TOP1: variants seen among roughly 807,000 people sequenced by gnomAD.
The protein encoded by TOP1 is DNA topoisomerase I.
TOP1 carries 10 observed loss-of-function variants against 111.1 expected under a neutral mutation model. The ratio of observed to expected loss-of-function variants is 0.09; its 90% CI spans 0.06 to 0.15. TOP1 has a LOEUF of 0.15. TOP1 is among the 10% of genes least tolerant of loss of function. The pLI is 1.00. For missense variants in TOP1, 474 were observed against 926.7 expected, an observed-to-expected ratio of 0.51 and a Z score of 6.34; for synonymous variants, 271 against 302.9, an observed-to-expected ratio of 0.89 and a Z score of 1.10.
intron 3 of TOP1, among the ~76,000 whole-genome samples, chr20:41,065,276 T>G (rs2033593264): frequency 6.6e-6 from 1 of 152,236 alleles, no homozygotes; most frequent in African/African-American, 2.4e-5. Flanking sequence ...CTAGTCTATA[T>G]TTATTGAATT....
At position 41,080,913 on chromosome 20, in the gene TOP1, T is replaced by TC. The variant is rs1299014788; in HGVS notation, c.432-246dup. Among the ~76,000 whole-genome samples the TC allele has an allele frequency of 6.6e-6, 1 of 152,116 alleles. No individual in the cohort carries two copies. Among genetic ancestry groups the TC allele is most frequent in the Non-Finnish European group, 1.5e-5 (1 of 68,018 alleles). On this transcript the variant is annotated intron_variant, in intron 6 of 20. Transcript: ENST00000361337. The surrounding 1 kb of genome is among the most constrained non-coding windows in gnomAD (Gnocchi z 5.0). The stretch of plus-strand genomic sequence containing the variant: ...ATAATGATATTTATTTCTGCATATA[T>TC]CCCCCCACCCTATTTTGCTTCCAGG...
chr20:41,108,930 TTTTTTCAAACCAGCCTTAACC>T (rs2034191064), intron 13 of TOP1, among the ~76,000 whole-genome samples: 1 of 152,156 alleles, frequency 6.6e-6, no homozygotes, highest in Non-Finnish European at 1.5e-5. Context: ...AAAATTCAGG[TTTTTTCAAACCAGCCTTAACC>T]TTACAAACAG....
chr20:41,062,257 T>A (rs2145927395), intron 3 of TOP1, among the ~76,000 whole-genome samples: 1 of 152,344 alleles, frequency 6.6e-6, no homozygotes, highest in Admixed American at 6.5e-5. Context: ...AATGTAAAGA[T>A]CTGTCACACA....
chr20:41,064,630 G>T (rs6093432), intron 3 of TOP1, among the ~76,000 whole-genome samples: 3,127 of 152,190 alleles, frequency 0.021, 102 homozygotes, highest in African/African-American at 0.071. Flanking sequence ...ACATGCTGTT[G>T]GTTCTGTAAT....
In TOP1 at chr20:41,121,955, C is replaced by T. The variant is rs1411303786; in HGVS notation, c.2046-51C>T. On this transcript the variant is annotated intron_variant, in intron 19 of 20. Transcript: ENST00000361337. The surrounding 1 kb of genome is among the most constrained non-coding windows in gnomAD (Gnocchi z 4.2). ...AAAGTGGCAGGATGGGTACAGTGTG[C>T]TCTTGTCTAGAGCCCAGGCCTGGTT... The T allele has an allele frequency of 1.9e-6, 3 of 1,606,246 alleles. No individual in the cohort carries two copies. The highest frequency in any genetic ancestry group is 1.7e-5 in the Admixed American group (1 of 59,018).
intron 2 of TOP1, among the ~76,000 whole-genome samples, chr20:41,051,301 G>C (rs1028423699): frequency 6.6e-6 from 1 of 152,082 alleles, no homozygotes; most frequent in African/African-American, 2.4e-5. Flanking sequence ...GTGTAAAGGG[G>C]ACTGGCTCAA....
Position 41,110,164 on chromosome 20 carries a change from A to G in TOP1, c.1309-2618A>G, listed in dbSNP as rs1167918723. ...TTAGCCGAGGGTGGCGCACACCTGT[A>G]ATCTCAGCTATTCAGGAGGCTGAGA... On this transcript the variant is annotated intron_variant, in intron 13 of 20. Coordinates refer to ENST00000361337, the MANE Select transcript of TOP1 (RefSeq NM_003286.4). This position sits in a 1 kb window ranked among gnomAD's most constrained non-coding sequence, Gnocchi z 4.2. Among the ~76,000 whole-genome samples, 1 of 152,158 alleles carries G rather than the reference A, an allele frequency of 6.6e-6. No individual in the cohort carries two copies. Among genetic ancestry groups the G allele is most frequent in the Non-Finnish European group, 1.5e-5 (1 of 68,022 alleles).
At position 41,076,245 on chromosome 20, in the gene TOP1, A is replaced by C; in HGVS notation, c.230A>C (p.His77Pro). 1 of 1,605,146 alleles carries C rather than the reference A, an allele frequency of 6.2e-7. No homozygotes were observed. Among genetic ancestry groups the C allele is most frequent in the Admixed American group, 1.7e-5 (1 of 59,952 alleles). ...CACAAAGATGGAAGCTCAGAAAAGCATAAAGACAAACATAAAGACAGAGAC... is the reference window on the plus strand; with the variant it reads ...CACAAAGATGGAAGCTCAGAAAAGCCTAAAGACAAACATAAAGACAGAGAC... ...TKHKDGSSEK[H>P]KDKHKDRDKE... The change falls in exon 4 of 21, where the codon CAT (histidine) becomes CCT (proline). Residue 77 changes from histidine to proline, a missense_variant. Transcript: ENST00000361337.
intron 14 of TOP1, 31 bp from the exon 15 acceptor site, chr20:41,113,939 C>T: frequency 6.6e-7 from 1 of 1,510,408 alleles, no homozygotes. Context: ...CTCTTCCATT[C>T]ATGCTCATCT....
rs564398852 is a variant in TOP1, at chr20:41,037,849, C to G, written c.58+8394C>G. Among the ~76,000 whole-genome samples the G allele has an allele frequency of 1.3e-3, 196 of 152,284 alleles. 1 individual carries two copies. The highest frequency in any genetic ancestry group is 2.3e-3 in the Non-Finnish European group (157 of 68,022). On this transcript the variant is annotated intron_variant, in intron 2 of 20. Coordinates refer to ENST00000361337, the MANE Select transcript of TOP1 (RefSeq NM_003286.4). ...ACGCCATTCAGCAAAAGGATTATCA[C>G]AGAAGCATCACAACAGGCGCAGACT...
chr20:41,037,143 T>A lies in TOP1; in HGVS notation c.58+7688T>A, dbSNP rs917676034. On this transcript the variant is annotated intron_variant, in intron 2 of 20. Transcript: ENST00000361337. The stretch of plus-strand genomic sequence containing the variant: ...CCGCGCCAAGCCTAATTCCTACTTT[T>A]CTAAGAATGTTTACAGCAAAGTGGT... Among the ~76,000 whole-genome samples, 63 of 152,208 alleles carry A rather than the reference T, an allele frequency of 4.1e-4. 1 individual carries two copies. The highest frequency in any genetic ancestry group is 1.0e-4 in the Non-Finnish European group (7 of 68,036).
At chr20:41,039,115 A>G (rs1386488861) in intron 2 of TOP1, among the ~76,000 whole-genome samples, 1 of 152,238 alleles carries the variant, frequency 6.6e-6, no homozygotes, top group East Asian at 1.9e-4. Flanking sequence ...TTGTAAATGG[A>G]AAAGTTTAAG....
Position 41,115,507 on chromosome 20 carries a change from G to C in TOP1, c.1707+68G>C, listed in dbSNP as rs552151097. 2.3e-4 allele frequency: 294 copies of C among 1,255,960 alleles called. 2 individuals are homozygous for C. The highest frequency in any genetic ancestry group is 2.2e-3 in the South Asian group (186 of 83,550). The allele number at this position is 1,255,960 out of a possible 1,614,324, so 77.8% of individuals were successfully genotyped here. A position where few individuals can be genotyped will look rare whatever the true frequency, so the allele number is the denominator to read the frequency against. On this transcript the variant is annotated intron_variant, in intron 16 of 20. Coordinates refer to ENST00000361337, the MANE Select transcript of TOP1 (RefSeq NM_003286.4). The surrounding 1 kb of genome is among the most constrained non-coding windows in gnomAD (Gnocchi z 6.3). Reference sequence around the variant, plus strand: ...GAGCCTCACAGTACCTAAAGGGGAGGGTTGCTGGCAGATGACTTGGGCTCT... The same window carrying C: ...GAGCCTCACAGTACCTAAAGGGGAGCGTTGCTGGCAGATGACTTGGGCTCT...
At chr20:41,038,548 A>G (rs566241427) in intron 2 of TOP1, among the ~76,000 whole-genome samples, 12 of 152,322 alleles carry the variant, frequency 7.9e-5, no homozygotes, top group East Asian at 3.9e-4. Flanking sequence ...AGCATTGAGT[A>G]TGATACTATT....
chr20:41,092,638 C>G lies in TOP1; in HGVS notation c.730+51C>G, dbSNP rs201747396. The G allele has an allele frequency of 2.8e-5, 24 of 863,126 alleles. No homozygotes were observed. The highest frequency in any genetic ancestry group is 3.9e-5 in the Non-Finnish European group (21 of 543,310). The allele number at this position is 863,126 out of a possible 1,614,324, so 53.5% of individuals were successfully genotyped here. A position where few individuals can be genotyped will look rare whatever the true frequency, so the allele number is the denominator to read the frequency against. On this transcript the variant is annotated intron_variant, in intron 9 of 20. Transcript: ENST00000361337. This position sits in a 1 kb window ranked among gnomAD's most constrained non-coding sequence, Gnocchi z 4.3. ...CTTGGCCAGGAAAAGAAATCTGCTT[C>G]TATTTAGGGATAGAAAACAAGGAAG...
Position 41,080,276 on chromosome 20 carries a change from C to T in TOP1, c.431+96C>T. 1 of 692,998 alleles carries T rather than the reference C, an allele frequency of 1.4e-6. No individual in the cohort carries two copies. The highest frequency in any genetic ancestry group is 2.0e-5 in the South Asian group (1 of 49,460). 42.9% of individuals were successfully genotyped at this position (692,998 alleles called of 1,614,324 possible). On this transcript the variant is annotated intron_variant, in intron 6 of 20. Transcript: ENST00000361337. This position sits in a 1 kb window ranked among gnomAD's most constrained non-coding sequence, Gnocchi z 5.0. ...TTCTTTATAATACATATAGAAACTG[C>T]ATTAATTGGCTTTTACTCATTTGGA...
chr20:41,097,203 A>G lies in TOP1; in HGVS notation c.731-17A>G. 1 of 1,608,646 alleles carries G rather than the reference A, an allele frequency of 6.2e-7. No individual in the cohort carries two copies. Among genetic ancestry groups the G allele is most frequent in the African/African-American group, 1.3e-5 (1 of 74,502 alleles). On this transcript the variant is annotated splice_polypyrimidine_tract_variant and intron_variant, in intron 9 of 20. Coordinates refer to ENST00000361337, the MANE Select transcript of TOP1 (RefSeq NM_003286.4). The surrounding 1 kb of genome is among the most constrained non-coding windows in gnomAD (Gnocchi z 4.2). ...TGAATACTATACCTCACTTTTTGGA[A>G]CCACTTTTTTCTCTAGGTAAAGTCA...
In TOP1 at chr20:41,124,301, T is replaced by TAA. The variant is rs1243495767; in HGVS notation, c.*1008_*1009dup. ...ATTGTGTAAAAAATGGAAAAAAACA[T>TAA]AAAAAGCAGAATTTTAATGTGAAGA... is the stretch of plus-strand genomic sequence containing the variant. On this transcript the variant is annotated 3_prime_UTR_variant, in exon 21 of 21. Coordinates refer to ENST00000361337, the MANE Select transcript of TOP1 (RefSeq NM_003286.4). This position sits in a 1 kb window ranked among gnomAD's most constrained non-coding sequence, Gnocchi z 5.4. The TAA allele has an allele frequency of 4.3e-6, 1 of 233,010 alleles. No homozygotes were observed. Among genetic ancestry groups the TAA allele is most frequent in the Non-Finnish European group, 8.5e-6 (1 of 117,744 alleles). The allele number at this position is 233,010 out of a possible 1,614,324, so 14.4% of individuals were successfully genotyped here.
rs551281472 is a variant in TOP1, at chr20:41,039,785, G to A, written c.58+10330G>A. Among the ~76,000 whole-genome samples the A allele has an allele frequency of 1.1e-3, 173 of 152,224 alleles. 1 individual carries two copies. Among genetic ancestry groups the A allele is most frequent in the African/African-American group, 3.9e-3 (162 of 41,534 alleles). On this transcript the variant is annotated intron_variant, in intron 2 of 20. Transcript: ENST00000361337. ...TAGCCGGGCGTGGTGGCGGGCGCCTGTAGTCCAGCTACTTGGGAGGCTGAG... is the reference window on the plus strand; with the variant it reads ...TAGCCGGGCGTGGTGGCGGGCGCCTATAGTCCAGCTACTTGGGAGGCTGAG...
Sources: allele counts gnomAD v4.1 joint callset (sites outside exome capture counted in the v4.1 genomes callset), GRCh38; gene constraint gnomAD v4.1.1; non-coding constraint Gnocchi (gnomAD v3.1); transcripts MANE v1.5; gene names NCBI Gene and HGNC (gene_info 2026-07-23, HGNC 2026-07-21).